Variants in KAZN observed in about 807,000 individuals in gnomAD.
The protein encoded by KAZN is kazrin.
Under a neutral mutation model 87.4 loss-of-function variants are expected in KAZN, and 40 were observed. The ratio of observed to expected loss-of-function variants is 0.46; its 90% confidence interval spans 0.36 to 0.60. KAZN has a LOEUF of 0.60. Among genes scored for constraint, KAZN ranks in the 20% least tolerant of loss-of-function variants. The pLI, the probability that KAZN is intolerant of heterozygous loss-of-function variation, is 0.00. For missense variants in KAZN, 898 were observed against 1,073.9 expected (o/e 0.84, Z 2.29); for synonymous variants, 466 against 458.3 (o/e 1.02, Z -0.22).
chr1:14,324,163 T>G (rs752761499), intron 2 of KAZN, among the ~76,000 whole-genome samples: 2 of 152,194 alleles, frequency 1.3e-5, no homozygotes, highest in Non-Finnish European at 2.9e-5. Context: ...ATTTGCCAAA[T>G]GTTTACTACT....
intron 2 of KAZN, among the ~76,000 whole-genome samples, chr1:14,593,220 A>G (rs1358785364): frequency 6.6e-6 from 1 of 152,254 alleles, no homozygotes; most frequent in East Asian, 1.9e-4. Context: ...AGAAGACTGA[A>G]TGAATATGAG....
At chr1:14,672,472 G>A (rs920975366) in intron 1 of KAZN, among the ~76,000 whole-genome samples, 5 of 152,162 alleles carry the variant, frequency 3.3e-5, no homozygotes, top group African/African-American at 2.4e-5. Context: ...GCTCTTTCTC[G>A]AAGAGCTCCC....
At chr1:14,715,923 C>T (rs11576896) in intron 1 of KAZN, among the ~76,000 whole-genome samples, 54,883 of 152,056 alleles carry the variant, frequency 0.36, 10,716 homozygotes, top group East Asian at 0.51. Flanking sequence ...TTAAAATGGA[C>T]GCTGGAGTGT....
intron 1 of KAZN, among the ~76,000 whole-genome samples, chr1:13,932,415 T>C (rs1005600168): frequency 5.3e-5 from 8 of 151,542 alleles, no homozygotes; most frequent in Middle Eastern, 3.4e-3. Flanking sequence ...CGCCCGCCAC[T>C]ACGCCCGGCT....
intron 2 of KAZN, among the ~76,000 whole-genome samples, chr1:14,346,786 A>C (rs1658139442): frequency 6.6e-6 from 1 of 152,188 alleles, no homozygotes; most frequent in Admixed American, 6.5e-5. Flanking sequence ...TGAGGTGTCT[A>C]TGGTGGCACT....
intron 2 of KAZN, among the ~76,000 whole-genome samples, chr1:14,463,131 G>A (rs1667941355): frequency 6.6e-6 from 1 of 152,184 alleles, no homozygotes; most frequent in Admixed American, 6.5e-5. Context: ...ATTGAGGAAT[G>A]GATTATTTAG....
At chr1:15,104,648 A>G (rs1391084021) in intron 13 of KAZN, among the ~76,000 whole-genome samples, 2 of 152,194 alleles carry the variant, frequency 1.3e-5, no homozygotes, top group African/African-American at 2.4e-5. Context: ...AGACCACATC[A>G]GCCCACCTAT....
chr1:14,480,127 C>T (rs1222803996), intron 2 of KAZN, among the ~76,000 whole-genome samples: 1 of 152,240 alleles, frequency 6.6e-6, no homozygotes, highest in Non-Finnish European at 1.5e-5. Context: ...GATAAGACTA[C>T]CAAGGCAGCC....
chr1:14,412,016 G>A (rs929862585), intron 2 of KAZN, among the ~76,000 whole-genome samples: 1 of 152,014 alleles, frequency 6.6e-6, no homozygotes, highest in Non-Finnish European at 1.5e-5. Context: ...TTCTGTATTC[G>A]GCATTCTCCC....
At chr1:14,982,657 C>T (rs945372764) in intron 2 of KAZN, among the ~76,000 whole-genome samples, 2 of 152,102 alleles carry the variant, frequency 1.3e-5, no homozygotes, top group Non-Finnish European at 2.9e-5. Context: ...GAACTCCTGA[C>T]TTTGTAATCC....
chr1:14,738,106 G>A (rs1260646472), intron 1 of KAZN, among the ~76,000 whole-genome samples: 4 of 152,120 alleles, frequency 2.6e-5, no homozygotes, highest in Admixed American at 1.3e-4. Context: ...TACTCGAGTG[G>A]CAGGGGCTAC....
chr1:13,986,351 T>G (rs1639016747), intron 1 of KAZN, among the ~76,000 whole-genome samples: 1 of 152,236 alleles, frequency 6.6e-6, no homozygotes, highest in African/African-American at 2.4e-5. Flanking sequence ...AAATGTTTGT[T>G]ATAATTTTCA....
intron 2 of KAZN, among the ~76,000 whole-genome samples, chr1:15,032,278 T>C (rs949488414): frequency 1.4e-4 from 21 of 148,962 alleles, no homozygotes; most frequent in Non-Finnish European, 2.8e-4. Flanking sequence ...CTGCAAGCTC[T>C]GCCTCCCAGG....
At chr1:14,118,333 C>A (rs1644675323) in intron 1 of KAZN, among the ~76,000 whole-genome samples, 1 of 152,130 alleles carries the variant, frequency 6.6e-6, no homozygotes, top group Admixed American at 6.5e-5. Flanking sequence ...AGATCAAACC[C>A]TACCATCAAG....
chr1:14,341,842 T>C (rs2100908928), intron 2 of KAZN, among the ~76,000 whole-genome samples: 1 of 152,300 alleles, frequency 6.6e-6, no homozygotes, highest in South Asian at 2.1e-4. Context: ...TTAACTTTTA[T>C]TTTGTGTTCA....
intron 2 of KAZN, among the ~76,000 whole-genome samples, chr1:14,587,260 A>G (rs1165968423): frequency 6.6e-6 from 1 of 151,868 alleles, no homozygotes; most frequent in Non-Finnish European, 1.5e-5. Flanking sequence ...ACATGGTGAA[A>G]CCCCATCTCT....
intron 2 of KAZN, among the ~76,000 whole-genome samples, chr1:14,492,230 G>A (rs1233327459): frequency 6.6e-6 from 1 of 152,156 alleles, no homozygotes; most frequent in Non-Finnish European, 1.5e-5. Flanking sequence ...GAGTCTTGGA[G>A]AGAACAGGAG....
chr1:14,178,982 A>G (rs1646139713), intron 1 of KAZN, among the ~76,000 whole-genome samples: 1 of 152,130 alleles, frequency 6.6e-6, no homozygotes, highest in African/African-American at 2.4e-5. Flanking sequence ...CCCATATTCC[A>G]CCCAAATTCC....
intron 1 of KAZN, among the ~76,000 whole-genome samples, chr1:13,975,853 C>T (rs558056801): frequency 1.1e-4 from 16 of 152,288 alleles, no homozygotes; most frequent in Admixed American, 7.8e-4. Flanking sequence ...TATGAGTACA[C>T]GCATAGTAAA....
Sources: allele counts gnomAD v4.1 joint callset (sites outside exome capture counted in the v4.1 genomes callset), GRCh38; gene constraint gnomAD v4.1.1; transcripts MANE v1.5; gene names NCBI Gene and HGNC (gene_info 2026-07-23, HGNC 2026-07-21).